Variants in RABGAP1L observed in about 807,000 individuals in gnomAD.
RABGAP1L encodes the protein rab GTPase-activating protein 1-like.
A neutral mutation model predicts 137.7 loss-of-function variants in RABGAP1L; 63 were observed. The observed-to-expected ratio is 0.46, with a 90% CI of 0.37 to 0.56. The LOEUF is 0.56. RABGAP1L is among the 20% of genes least tolerant of loss of function. The probability of loss-of-function intolerance (pLI) is 0.00; values close to 1 mark genes in which losing one functional copy is unlikely to be tolerated. For missense variants in RABGAP1L, 1,095 were observed against 1,244.0 expected, an observed-to-expected ratio of 0.88 and a Z score of 1.80; for synonymous variants, 431 against 433.7, an observed-to-expected ratio of 0.99 and a Z score of 0.08.
At chr1:174,848,719 A>G (rs1387932637) in intron 19 of RABGAP1L, among the ~76,000 whole-genome samples, 20 of 146,434 alleles carry the variant, frequency 1.4e-4, no homozygotes, top group African/African-American at 3.3e-4. Flanking sequence ...GAGCCTACAG[A>G]GGCAGGCAGG....
intron 13 of RABGAP1L, among the ~76,000 whole-genome samples, chr1:174,523,570 A>G (rs1335003009): frequency 1.3e-5 from 2 of 152,234 alleles, no homozygotes; most frequent in Admixed American, 1.3e-4. Flanking sequence ...AAAATGTGTA[A>G]TGATCAAGTC....
At chr1:174,220,375 GA>G (rs1314427655) in intron 2 of RABGAP1L, among the ~76,000 whole-genome samples, 3 of 152,002 alleles carry the variant, frequency 2.0e-5, no homozygotes, top group African/African-American at 7.2e-5. Context: ...AAAAGAAAAA[GA>G]AAAAGAAGGG....
chr1:174,953,403 T>A (rs1410041692), intron 19 of RABGAP1L, among the ~76,000 whole-genome samples: 1 of 152,060 alleles, frequency 6.6e-6, no homozygotes, highest in Non-Finnish European at 1.5e-5. Context: ...TTGTGCTCTG[T>A]CTTTTACTGT....
intron 10 of RABGAP1L, among the ~76,000 whole-genome samples, chr1:174,281,439 C>T (rs768271895): frequency 1.3e-5 from 2 of 152,126 alleles, no homozygotes; most frequent in African/African-American, 2.4e-5. Flanking sequence ...GGTGTGTTTA[C>T]AAACCTTTAG....
chr1:174,568,549 A>G (rs1043929203), intron 13 of RABGAP1L, among the ~76,000 whole-genome samples: 1 of 152,170 alleles, frequency 6.6e-6, no homozygotes, highest in African/African-American at 2.4e-5. Context: ...ATTGGCTCAT[A>G]GTGGGTGACA....
chr1:174,740,643 G>T (rs1683313665), intron 17 of RABGAP1L, among the ~76,000 whole-genome samples: 1 of 151,890 alleles, frequency 6.6e-6, no homozygotes, highest in Non-Finnish European at 1.5e-5. Context: ...TTATTTTTTT[G>T]AGAAATCTCC....
At chr1:174,352,050 C>T (rs760570688) in intron 11 of RABGAP1L, among the ~76,000 whole-genome samples, 8 of 152,102 alleles carry the variant, frequency 5.3e-5, no homozygotes, top group African/African-American at 7.2e-5. Flanking sequence ...CCTCATGATC[C>T]GCCTGCCTCG....
intron 5 of RABGAP1L, among the ~76,000 whole-genome samples, chr1:174,243,838 G>C (rs988761941): frequency 6.6e-6 from 1 of 152,124 alleles, no homozygotes; most frequent in Non-Finnish European, 1.5e-5. Context: ...TGATAGAGCT[G>C]GGTTTTAAGT....
chr1:174,564,332 G>C (rs903819905), intron 13 of RABGAP1L, among the ~76,000 whole-genome samples: 3 of 152,044 alleles, frequency 2.0e-5, no homozygotes, highest in Non-Finnish European at 4.4e-5. Flanking sequence ...TGATCAGCTT[G>C]CAACTAATTA....
chr1:174,994,747 T>C lies in RABGAP1L; in HGVS notation c.*4746T>C, dbSNP rs1672267444. On this transcript the variant is annotated 3_prime_UTR_variant, in exon 26 of 26. Transcript: ENST00000681986. The stretch of plus-strand genomic sequence containing the variant: ...GTTTCTCTATTTTTGGTATTTTGCA[T>C]AATGCATGGATCCTTAGTTCAAATG... 6.6e-6 allele frequency: 1 copy of C among 152,232 alleles called. No individual in the cohort carries two copies. Among genetic ancestry groups the C allele is most frequent in the African/African-American group, 2.4e-5 (1 of 41,468 alleles). 9.4% of individuals were successfully genotyped at this position (152,232 alleles called of 1,614,324 possible).
intron 12 of RABGAP1L, among the ~76,000 whole-genome samples, chr1:174,376,530 C>T (rs375163423): frequency 2.6e-4 from 40 of 152,216 alleles, no homozygotes; most frequent in East Asian, 2.5e-3. Context: ...TGCAAGGCTG[C>T]TTTGACATTT....
chr1:174,562,514 C>G (rs1048004539), intron 13 of RABGAP1L, among the ~76,000 whole-genome samples: 1 of 152,120 alleles, frequency 6.6e-6, no homozygotes, highest in Non-Finnish European at 1.5e-5. Flanking sequence ...AGTATATACC[C>G]AAAGGATTAT....
intron 11 of RABGAP1L, among the ~76,000 whole-genome samples, chr1:174,331,366 C>T (rs1020641097): frequency 2.0e-5 from 3 of 152,004 alleles, no homozygotes; most frequent in African/African-American, 4.8e-5. Flanking sequence ...TCCTGCACAG[C>T]AAGGAAAAAA....
chr1:174,733,989 T>G (rs1682725920), intron 17 of RABGAP1L, among the ~76,000 whole-genome samples: 1 of 152,210 alleles, frequency 6.6e-6, no homozygotes, highest in Non-Finnish European at 1.5e-5. Context: ...CAAAAAGATT[T>G]GCTGATGGTT....
intron 11 of RABGAP1L, among the ~76,000 whole-genome samples, chr1:174,341,342 G>C (rs1681955841): frequency 6.6e-6 from 1 of 152,166 alleles, no homozygotes; most frequent in Admixed American, 6.6e-5. Flanking sequence ...AATGTTGCTT[G>C]AAAGATGAAG....
intron 13 of RABGAP1L, among the ~76,000 whole-genome samples, chr1:174,458,932 C>A (rs1344292583): frequency 6.6e-6 from 1 of 152,038 alleles, no homozygotes; most frequent in African/African-American, 2.4e-5. Context: ...GAAGATATAG[C>A]TGTATAAGAG....
At chr1:174,202,864 A>C (rs1040525522) in intron 1 of RABGAP1L, among the ~76,000 whole-genome samples, 2 of 152,166 alleles carry the variant, frequency 1.3e-5, no homozygotes, top group African/African-American at 4.8e-5. Flanking sequence ...TCAGCTTTCT[A>C]CATATGGCTA....
At chr1:174,320,704 T>C (rs1331578243) in intron 11 of RABGAP1L, among the ~76,000 whole-genome samples, 1 of 152,238 alleles carries the variant, frequency 6.6e-6, no homozygotes, top group African/African-American at 2.4e-5. Context: ...CATTTATCAC[T>C]TCCCCAGTCA....
intron 11 of RABGAP1L, among the ~76,000 whole-genome samples, chr1:174,325,262 G>A (rs953506904): frequency 6.6e-6 from 1 of 152,198 alleles, no homozygotes; most frequent in Non-Finnish European, 1.5e-5. Flanking sequence ...TTTTAGCATC[G>A]TGGCAGTTTC....
Sources: gnomAD v4.1 joint callset for allele counts (sites outside exome capture counted in the v4.1 genomes callset) on GRCh38, gnomAD v4.1.1 for gene constraint, MANE v1.5 for transcripts, NCBI Gene and HGNC (gene_info 2026-07-23, HGNC 2026-07-21) for gene names.